Variants in CLIP1 observed in about 807,000 individuals in gnomAD.
The protein encoded by CLIP1 is CAP-Gly domain containing linker protein 1, also known as CAP-Gly domain-containing linker protein 1.
A neutral mutation model predicts 161.6 loss-of-function variants in CLIP1; 66 were observed. The observed-to-expected ratio is 0.41, with a 90% CI of 0.33 to 0.50. The LOEUF is 0.50. CLIP1 is among the 20% of genes least tolerant of loss of function. The pLI is 0.27. For synonymous variants in CLIP1, 598 were observed against 626.2 expected, an observed-to-expected ratio of 0.96 and a Z score of 0.67; for missense variants, 1,376 against 1,702.0, an observed-to-expected ratio of 0.81 and a Z score of 3.37.
At chr12:122,286,907 A>T (rs1479019684) in intron 21 of CLIP1, among the ~76,000 whole-genome samples, 1 of 152,156 alleles carries the variant, frequency 6.6e-6, no homozygotes, top group East Asian at 1.9e-4. Flanking sequence ...GGGAGGCAGG[A>T]GAATCGCTTG....
intron 2 of CLIP1, among the ~76,000 whole-genome samples, chr12:122,379,117 C>T (rs1028364262): frequency 2.0e-5 from 3 of 149,272 alleles, no homozygotes; most frequent in Non-Finnish European, 4.4e-5. Flanking sequence ...AAGAGTGAAA[C>T]TCCGTCTCAA....
chr12:122,304,653 G>A (rs998388695), intron 20 of CLIP1, among the ~76,000 whole-genome samples: 4 of 152,218 alleles, frequency 2.6e-5, no homozygotes, highest in Non-Finnish European at 5.9e-5. Flanking sequence ...GAGCCTCCAC[G>A]TCCAGCCTTG....
chr12:122,380,407 G>A lies in CLIP1; in HGVS notation c.46C>T (p.Leu16=), dbSNP rs146083063. Reference sequence around the variant, plus strand: ...TTCAGAGCTGTGCTTCCAGGCTTCAGGATCTTGGTGGGGGCCTTAAGCCCA... The same window carrying A: ...TTCAGAGCTGTGCTTCCAGGCTTCAAGATCTTGGTGGGGGCCTTAAGCCCA... ...PSGLKAPTKI[L]KPGSTALKTP... The change falls in exon 2 of 26, where the codon CTG becomes TTG. Residue 16 remains leucine (L), a synonymous_variant. Transcript: ENST00000620786. 11 of 1,613,714 alleles carry A rather than the reference G, an allele frequency of 6.8e-6. No homozygotes were observed. Among genetic ancestry groups the A allele is most frequent in the African/African-American group, 1.3e-5 (1 of 74,878 alleles).
intron 2 of CLIP1, 68 bp from the exon 3 acceptor site, chr12:122,378,028 A>G (rs1954827415): frequency 1.4e-6 from 2 of 1,402,010 alleles, no homozygotes; most frequent in East Asian, 4.6e-5. Flanking sequence ...TTAAAGAAAA[A>G]CTAGAGAAAG....
At chr12:122,288,412 A>G in intron 21 of CLIP1, 77 bp downstream of exon 21, 1 of 1,278,028 alleles carries the variant, frequency 7.8e-7, no homozygotes, top group Admixed American at 2.2e-5. Context: ...CTTGTTTTCT[A>G]CTATAAGTTA....
intron 21 of CLIP1, among the ~76,000 whole-genome samples, chr12:122,286,722 G>C (rs1955871726): frequency 6.6e-6 from 1 of 151,774 alleles, no homozygotes; most frequent in African/African-American, 2.4e-5. Flanking sequence ...TTTAAAGCCG[G>C]GTGCGGTGGC....
intron 3 of CLIP1, among the ~76,000 whole-genome samples, chr12:122,366,144 T>C (rs1954155827): frequency 6.6e-6 from 1 of 151,830 alleles, no homozygotes; most frequent in Non-Finnish European, 1.5e-5. Context: ...CTGTCTCTAC[T>C]AAAAATACAA....
intron 5 of CLIP1, among the ~76,000 whole-genome samples, chr12:122,358,585 G>A (rs1297048230): frequency 1.3e-5 from 2 of 152,182 alleles, no homozygotes; most frequent in East Asian, 3.9e-4. Context: ...TACCTTCAGT[G>A]AGCTACCTGA....
At chr12:122,368,547 T>C (rs1161318149) in intron 3 of CLIP1, among the ~76,000 whole-genome samples, 2 of 152,190 alleles carry the variant, frequency 1.3e-5, no homozygotes, top group Non-Finnish European at 2.9e-5. Flanking sequence ...ATAAAATGTC[T>C]CAAGAGCAGT....
chr12:122,383,430 G>A (rs1232335040), intron 1 of CLIP1, among the ~76,000 whole-genome samples: 3 of 152,106 alleles, frequency 2.0e-5, no homozygotes, highest in Non-Finnish European at 2.9e-5. Flanking sequence ...TCAAGCCTCC[G>A]CCTAAAACAC....
chr12:122,318,472 G>A (rs1050040905), intron 18 of CLIP1, among the ~76,000 whole-genome samples: 1 of 152,168 alleles, frequency 6.6e-6, no homozygotes, highest in African/African-American at 2.4e-5. Context: ...GGTGGAGGTT[G>A]CAGTGAGCCG....
chr12:122,370,259 T>G, intron 3 of CLIP1, among the ~76,000 whole-genome samples: 1 of 143,276 alleles, frequency 7.0e-6, no homozygotes, highest in Admixed American at 6.9e-5. Flanking sequence ...GGACAAGAGG[T>G]CGGGAGGGTG....
At chr12:122,305,014 CCT>C in intron 20 of CLIP1, among the ~76,000 whole-genome samples, 1 of 152,286 alleles carries the variant, frequency 6.6e-6, no homozygotes, top group East Asian at 1.9e-4. Context: ...TCTGCTATAA[CCT>C]CTGTCAGGAA....
At chr12:122,298,417 C>T in intron 20 of CLIP1, among the ~76,000 whole-genome samples, 1 of 151,804 alleles carries the variant, frequency 6.6e-6, no homozygotes, top group Admixed American at 6.6e-5. Context: ...ACGTGGCCAA[C>T]GTGGCCAAAC....
chr12:122,394,704 G>T (rs7972697), intron 1 of CLIP1, among the ~76,000 whole-genome samples: 118,914 of 151,012 alleles, frequency 0.79, 47,104 homozygotes, highest in East Asian at 0.85. Context: ...TGGCCAACAT[G>T]GTGGAACCGC....
At chr12:122,328,627 C>G (rs1041916911) in intron 15 of CLIP1, among the ~76,000 whole-genome samples, 2 of 152,100 alleles carry the variant, frequency 1.3e-5, no homozygotes, top group Non-Finnish European at 2.9e-5. Context: ...CTCTGTCGCA[C>G]AGGCTGGAGT....
At chr12:122,354,052 T>C (rs1953197583) in intron 7 of CLIP1, among the ~76,000 whole-genome samples, 1 of 151,834 alleles carries the variant, frequency 6.6e-6, no homozygotes, top group African/African-American at 2.4e-5. Flanking sequence ...GTTCTAAGGG[T>C]TGATACCAAC....
At chr12:122,413,856 G>A (rs4758673) in intron 1 of CLIP1, among the ~76,000 whole-genome samples, 2 of 150,932 alleles carry the variant, frequency 1.3e-5, no homozygotes, top group Admixed American at 6.6e-5. Flanking sequence ...TTCTGGAAGT[G>A]CCATATGGAG....
chr12:122,275,634 A>ACACG (rs1566065607), intron 24 of CLIP1: 2 of 104,148 alleles, frequency 1.9e-5, no homozygotes, highest in East Asian at 4.0e-4. Context: ...ATACACACAC[A>ACACG]CACACACGCG....
Sources: allele counts gnomAD v4.1 joint callset (sites outside exome capture counted in the v4.1 genomes callset), GRCh38; gene constraint gnomAD v4.1.1; transcripts MANE v1.5; gene names NCBI Gene and HGNC (gene_info 2026-07-23, HGNC 2026-07-21).